EEFSEC: variants seen among roughly 807,000 people sequenced by gnomAD.
EEFSEC encodes eukaryotic elongation factor, selenocysteine-tRNA specific.
Under a neutral mutation model 42.1 loss-of-function variants are expected in EEFSEC, and 43 were observed. The ratio of observed to expected loss-of-function variants is 1.02; its 90% CI spans 0.80 to 1.32. The LOEUF (loss-of-function observed/expected upper bound fraction) is 1.32. Ranked by LOEUF, EEFSEC falls within the 40% of genes most tolerant of loss-of-function variation. EEFSEC has a pLI of 0.00. For synonymous variants in EEFSEC, 354 were observed against 339.1 expected, an observed-to-expected ratio of 1.04 and a Z score of -0.48; for missense variants, 745 against 803.6, an observed-to-expected ratio of 0.93 and a Z score of 0.88.
intron 6 of EEFSEC, among the ~76,000 whole-genome samples, chr3:128,377,550 G>A (rs948070298): frequency 6.6e-6 from 1 of 152,240 alleles, no homozygotes; most frequent in African/African-American, 2.4e-5. Flanking sequence ...TCAGTCATGT[G>A]GCCATTGTTT....
At chr3:128,188,184 G>A (rs548672628) in intron 1 of EEFSEC, among the ~76,000 whole-genome samples, 14 of 152,204 alleles carry the variant, frequency 9.2e-5, no homozygotes, top group Non-Finnish European at 1.3e-4. Context: ...AAGGAAGGCC[G>A]AAACCCAAGT....
chr3:128,231,552 A>G (rs1263139922), intron 1 of EEFSEC, among the ~76,000 whole-genome samples: 2 of 152,218 alleles, frequency 1.3e-5, no homozygotes, highest in East Asian at 3.9e-4. Flanking sequence ...TGGAAAGCCC[A>G]GGCATTTTGT....
At chr3:128,176,235 C>T (rs192899535) in intron 1 of EEFSEC, among the ~76,000 whole-genome samples, 20 of 151,810 alleles carry the variant, frequency 1.3e-4, no homozygotes, top group African/African-American at 1.9e-4. Context: ...TCTGATACCA[C>T]GTGTAACATA....
chr3:128,419,812 T>C, the EEFSEC span, among the ~76,000 whole-genome samples: 1 of 152,174 alleles, frequency 6.6e-6, no homozygotes, highest in South Asian at 2.1e-4. Flanking sequence ...GACACATCTC[T>C]GTGGCTGCCC....
intron 1 of EEFSEC, among the ~76,000 whole-genome samples, chr3:128,156,299 G>T (rs890278548): frequency 6.6e-6 from 1 of 152,206 alleles, no homozygotes; most frequent in Non-Finnish European, 1.5e-5. Flanking sequence ...TGCAAGGAGC[G>T]TGGTGGTTAC....
chr3:128,330,276 C>T lies in EEFSEC; in HGVS notation c.787-10957C>T, dbSNP rs144384692. Among the ~76,000 whole-genome samples the T allele has an allele frequency of 2.0e-3, 300 of 152,246 alleles. 2 individuals are homozygous for T. The highest frequency in any genetic ancestry group is 6.9e-3 in the African/African-American group (285 of 41,552). On this transcript the variant is annotated intron_variant, in intron 4 of 6. Transcript: ENST00000254730. ...AATCACGAGGGTTTGTTTGTAAGGTCGCCACAGATGGTCAGGGGCCTTTGC... is the reference window on the plus strand; with the variant it reads ...AATCACGAGGGTTTGTTTGTAAGGTTGCCACAGATGGTCAGGGGCCTTTGC...
At chr3:128,387,554 G>A (rs1341160491) in intron 6 of EEFSEC, among the ~76,000 whole-genome samples, 4 of 152,140 alleles carry the variant, frequency 2.6e-5, no homozygotes, top group Non-Finnish European at 5.9e-5. Context: ...ACCCCAGGGA[G>A]AACAGATACC....
chr3:128,399,654 CA>C (rs1427062723), intron 6 of EEFSEC, among the ~76,000 whole-genome samples: 1 of 152,134 alleles, frequency 6.6e-6, no homozygotes, highest in East Asian at 1.9e-4. Context: ...CCCAGCCTGA[CA>C]AAGAGGTGGC....
chr3:128,201,561 T>A (rs1477249567), intron 1 of EEFSEC, among the ~76,000 whole-genome samples: 1 of 152,248 alleles, frequency 6.6e-6, no homozygotes, highest in African/African-American at 2.4e-5. Context: ...TATTAGATTT[T>A]AAAAAATTAT....
At position 128,341,651 on chromosome 3, in the gene EEFSEC, C is replaced by T; in HGVS notation, c.1205C>T (p.Thr402Ile). 1 of 1,614,130 alleles carries T rather than the reference C, an allele frequency of 6.2e-7. No individual in the cohort carries two copies. The highest frequency in any genetic ancestry group is 2.2e-5 in the East Asian group (1 of 44,890). The stretch of plus-strand genomic sequence containing the variant: ...GCCGACAAGAAGGCCGGCCAGGCCA[C>T]AGAGGGCCATTGTCCTCGGCAGCAG... ...DEADKKAGQA[T>I]EGHCPRQQWA... Residue 402 changes from threonine to isoleucine, a missense_variant, in exon 5 of 7, where the codon ACA (threonine) becomes ATA (isoleucine). By Grantham distance (89) the Thr-to-Ile change is moderately conservative. Transcript: ENST00000254730.
intron 6 of EEFSEC, among the ~76,000 whole-genome samples, chr3:128,386,800 A>C (rs1418433265): frequency 2.0e-5 from 3 of 152,160 alleles, no homozygotes; most frequent in Non-Finnish European, 4.4e-5. Flanking sequence ...CGGCTCTCAC[A>C]TGGACTCACA....
intron 6 of EEFSEC, among the ~76,000 whole-genome samples, chr3:128,384,058 A>C (rs2067809332): frequency 6.6e-6 from 1 of 152,212 alleles, no homozygotes; most frequent in Non-Finnish European, 1.5e-5. Context: ...AAGCTAATAT[A>C]GTTCTTTTTG....
At chr3:128,225,367 C>T (rs1196769675) in intron 1 of EEFSEC, among the ~76,000 whole-genome samples, 1 of 152,162 alleles carries the variant, frequency 6.6e-6, no homozygotes, top group Non-Finnish European at 1.5e-5. Flanking sequence ...AGTGCCAAGG[C>T]CCCCTACAAT....
chr3:128,352,316 A>T (rs1037722109), intron 5 of EEFSEC, among the ~76,000 whole-genome samples: 1 of 152,226 alleles, frequency 6.6e-6, no homozygotes, highest in Non-Finnish European at 1.5e-5. Context: ...ATGAGGTTTC[A>T]TGCAGCTGAC....
chr3:128,404,327 G>A (rs2068084266), intron 6 of EEFSEC, among the ~76,000 whole-genome samples: 1 of 152,208 alleles, frequency 6.6e-6, no homozygotes, highest in Non-Finnish European at 1.5e-5. Context: ...CAATTAAATG[G>A]CCACATCTTC....
At chr3:128,367,744 A>G (rs1307117124) in intron 6 of EEFSEC, 2 of 985,268 alleles carry the variant, frequency 2.0e-6, no homozygotes, top group African/African-American at 3.5e-5. Flanking sequence ...CTGTGGCCCC[A>G]CTGCCTGCCT....
At chr3:128,326,604 C>T (rs1356490438) in intron 4 of EEFSEC, among the ~76,000 whole-genome samples, 2 of 152,182 alleles carry the variant, frequency 1.3e-5, no homozygotes, top group African/African-American at 2.4e-5. Context: ...TGCTTCTCTT[C>T]CTCCCAGCAC....
chr3:128,329,841 G>C (rs1460290332), intron 4 of EEFSEC, among the ~76,000 whole-genome samples: 1 of 152,244 alleles, frequency 6.6e-6, no homozygotes, highest in African/African-American at 2.4e-5. Context: ...CTGAAGGACA[G>C]GGTAGCCTTG....
intron 1 of EEFSEC, among the ~76,000 whole-genome samples, chr3:128,195,047 C>G (rs974501090): frequency 7.9e-5 from 12 of 152,176 alleles, no homozygotes; most frequent in African/African-American, 2.9e-4. Context: ...CCCACCCCTC[C>G]CCTTCTCCCA....
Sources: allele counts gnomAD v4.1 joint callset (sites outside exome capture counted in the v4.1 genomes callset), GRCh38; gene constraint gnomAD v4.1.1; transcripts MANE v1.5; gene names NCBI Gene and HGNC (gene_info 2026-07-23, HGNC 2026-07-21).